VKORC1: variants seen among roughly 807,000 people sequenced by gnomAD.
The protein encoded by VKORC1 is phylloquinone epoxide reductase.
Under a neutral mutation model 14.8 loss-of-function variants are expected in VKORC1, and 12 were observed. The ratio of observed to expected loss-of-function variants is 0.81; its 90% confidence interval spans 0.52 to 1.31. The LOEUF (loss-of-function observed/expected upper bound fraction) is 1.31, where lower values mean the gene tolerates loss of function less well. Among genes scored for constraint, VKORC1 ranks in the 50% most tolerant of loss-of-function variants. The probability of loss-of-function intolerance (pLI) is 0.00; values close to 1 mark genes in which losing one functional copy is unlikely to be tolerated. For synonymous variants in VKORC1, 94 were observed against 92.5 expected (o/e 1.02, Z -0.09); for missense variants, 223 against 215.3 (o/e 1.04, Z -0.22).
At chr16:31,093,288 C>A (rs1365795181) in intron 2 of VKORC1, 24 bp downstream of exon 2, 1 of 1,436,918 alleles carries the variant, frequency 7.0e-7, no homozygotes, top group South Asian at 1.2e-5. Context: ...GCGGGGCGGG[C>A]AGGGAGGGGG....
intron 2 of VKORC1, chr16:31,092,869 A>G (rs1480743246): frequency 3.3e-6 from 3 of 914,028 alleles, no homozygotes; most frequent in East Asian, 1.3e-4. Flanking sequence ...CACCATCTCT[A>G]CCAAAAAAAA....
rs201545927 is a variant in VKORC1, at chr16:31,091,294, A to C, written c.332T>G (p.Leu111Arg). 2 of 1,614,042 alleles carry C rather than the reference A, an allele frequency of 1.2e-6. No homozygotes were observed. Among genetic ancestry groups the C allele is most frequent in the Non-Finnish European group, 1.7e-6 (2 of 1,180,044 alleles). ...WASVLMLLSS[L>R]VSLAGSVYLA... is the part of the protein sequence containing the mutation. Reference sequence around the variant, plus strand: ...GTAGACAGAACCAGCGAGAGACACCAGGGAGCTCAGCAGCATCAGGACAGA... The same window carrying C: ...GTAGACAGAACCAGCGAGAGACACCCGGGAGCTCAGCAGCATCAGGACAGA... Residue 111 changes from leucine to arginine, a missense_variant, in exon 3 of 3, where the codon CTG (leucine) becomes CGG (arginine). Physicochemically the swap from Leu to Arg is moderately radical, Grantham distance 102. Coordinates refer to ENST00000394975, the MANE Select transcript of VKORC1 (RefSeq NM_024006.6).
At chr16:31,093,644 C>A in intron 1 of VKORC1, 1 of 1,093,680 alleles carries the variant, frequency 9.1e-7, no homozygotes, top group Non-Finnish European at 1.3e-6. Flanking sequence ...CAGACCAGGC[C>A]CGGACGTGGC....
chr16:31,092,766 G>C (rs1421139809), intron 2 of VKORC1: 3 of 1,280,748 alleles, frequency 2.3e-6, no homozygotes, highest in East Asian at 1.1e-4. Context: ...GGGTGTTGGT[G>C]GGGCATGGTA....
intron 2 of VKORC1, chr16:31,092,857 G>C: frequency 1.0e-6 from 1 of 995,068 alleles, no homozygotes; most frequent in Non-Finnish European, 1.3e-6. Context: ...AACATGGCGA[G>C]ACACCATCTC....
At position 31,091,314 on chromosome 16, in the gene VKORC1, G is replaced by C. The variant is rs1245750538; in HGVS notation, c.312C>G (p.Val104=). Residue 104 remains valine (V), a synonymous_variant, in exon 3 of 3, where the codon GTC becomes GTG. Transcript: ENST00000394975. ...ACACCAGGGAGCTCAGCAGCATCAG[G>C]ACAGAGGCCCAGCGTGTCCGCAGGC... ...LGCLRTRWAS[V]LMLLSSLVSL... 5 of 1,613,970 alleles carry C rather than the reference G, an allele frequency of 3.1e-6. No homozygotes were observed. The highest frequency in any genetic ancestry group is 1.3e-5 in the African/African-American group (1 of 74,936).
chr16:31,091,091 C>T lies in VKORC1; in HGVS notation c.*43G>A. On this transcript the variant is annotated 3_prime_UTR_variant, in exon 3 of 3. Coordinates refer to ENST00000394975, the MANE Select transcript of VKORC1 (RefSeq NM_024006.6). ...TGCCCCCTTAGGCAAGGCTCACATG[C>T]CAAAGCAAAGCAGATGAGGTCAGCC... 1 of 1,609,514 alleles carries T rather than the reference C, an allele frequency of 6.2e-7. No individual in the cohort carries two copies.
In VKORC1 at chr16:31,093,406, G is replaced by A. The variant is rs1282308346; in HGVS notation, c.189C>T (p.Phe63=). 1.9e-6 allele frequency: 3 copies of A among 1,614,138 alleles called. No homozygotes were observed. Among genetic ancestry groups the A allele is most frequent in the Non-Finnish European group, 2.5e-6 (3 of 1,180,026 alleles). The change falls in exon 2 of 3, where the codon TTC becomes TTT. Residue 63 remains phenylalanine, a synonymous_variant. Transcript: ENST00000394975. ...GTCCCAGCACATGCTCCACCAGCCC[G>A]AAACCCCTGCCCCACCTGGCAGAGG... The part of the protein sequence containing the change: ...RVFSSRWGRG[F]GLVEHVLGQD...
chr16:31,094,092 C>A, intron 1 of VKORC1: 1 of 1,415,476 alleles, frequency 7.1e-7, no homozygotes, highest in Non-Finnish European at 9.5e-7. Flanking sequence ...ATTATCTTTG[C>A]CCTGGACCCC....
At position 31,092,136 on chromosome 16, in the gene VKORC1, C is replaced by A. The variant is rs566079749; in HGVS notation, c.284-794G>T. On this transcript the variant is annotated intron_variant, in intron 2 of 2. Transcript: ENST00000394975. ...GAGGTTGCAGTGAGCCAAGATCGTG[C>A]CACTGCACTCCAGCCTGGTGACAGA... Among the ~76,000 whole-genome samples, 144 of 144,676 alleles carry A rather than the reference C, an allele frequency of 1.0e-3. 2 individuals are homozygous for A. The highest frequency in any genetic ancestry group is 3.5e-3 in the African/African-American group (133 of 37,760). The allele number at this position is 144,676 out of a possible 152,430, so 94.9% of individuals were successfully genotyped here. A position where few individuals can be genotyped will look rare whatever the true frequency, so the allele number is the denominator to read the frequency against.
In VKORC1 at chr16:31,091,105, A is replaced by T. The variant is rs749165172; in HGVS notation, c.*29T>A. 5 of 1,611,864 alleles carry T rather than the reference A, an allele frequency of 3.1e-6. No individual in the cohort carries two copies. The South Asian group carries it at 5.5e-5, about 18-fold the overall frequency. ...AGGCTCACATGCCAAAGCAAAGCAG[A>T]TGAGGTCAGCCTGGCTTGGGTTGAG... On this transcript the variant is annotated 3_prime_UTR_variant, in exon 3 of 3. Transcript: ENST00000394975.
chr16:31,092,174 C>G (rs1403449182), intron 2 of VKORC1, among the ~76,000 whole-genome samples: 1 of 66,928 alleles, frequency 1.5e-5, no homozygotes, highest in Non-Finnish European at 2.6e-5. Flanking sequence ...GAGACTATGT[C>G]GCAAAAAAAA....
chr16:31,093,412 C>G lies in VKORC1; in HGVS notation c.183G>C (p.Arg61Ser), dbSNP rs1303260087. 1 of 1,614,046 alleles carries G rather than the reference C, an allele frequency of 6.2e-7. No homozygotes were observed. Among genetic ancestry groups the G allele is most frequent in the African/African-American group, 1.3e-5 (1 of 74,914 alleles). The change falls in exon 2 of 3, where the codon AGG becomes AGC. Residue 61 changes from arginine to serine, a missense_variant. Arg to Ser is a moderately radical substitution (Grantham distance 110). Coordinates refer to ENST00000394975, the MANE Select transcript of VKORC1 (RefSeq NM_024006.6). ...GCACATGCTCCACCAGCCCGAAACC[C>G]CTGCCCCACCTGGCAGAGGGGTGGG... ...CSRVFSSRWG[R>S]GFGLVEHVLG...
intron 2 of VKORC1, 45 bp downstream of exon 2, chr16:31,093,267 T>TGAGGG (rs771466943): frequency 6.2e-5 from 68 of 1,096,818 alleles, no homozygotes; most frequent in Non-Finnish European, 6.4e-5. Context: ...CCAAGGGGGA[T>TGAGGG]GAGGGGCGGG....
At chr16:31,093,935 T>C (rs1268842025) in intron 1 of VKORC1, 3 of 402,384 alleles carry the variant, frequency 7.5e-6, no homozygotes, top group Admixed American at 4.0e-5. Context: ...AACTCCTGAC[T>C]TCAAGTGATC....
chr16:31,093,825 G>GC (rs904148380), intron 1 of VKORC1: 23 of 259,166 alleles, frequency 8.9e-5, no homozygotes, highest in South Asian at 2.2e-4. Flanking sequence ...TCCTGCCTTA[G>GC]CCCCCCCGAG....
intron 2 of VKORC1, 58 bp downstream of exon 2, chr16:31,093,254 T>TGACCA: frequency 7.1e-7 from 1 of 1,405,800 alleles, no homozygotes; most frequent in Middle Eastern, 2.6e-4. Flanking sequence ...GGGGCTGAGC[T>TGACCA]GACCAAGGGG....
intron 1 of VKORC1, chr16:31,094,280 G>T: frequency 6.2e-7 from 1 of 1,612,770 alleles, no homozygotes; most frequent in East Asian, 2.2e-5. Flanking sequence ...CCGCCATCCT[G>T]CCTCCCCGCC....
At chr16:31,093,514 C>A in intron 1 of VKORC1, 93 bp from the exon 2 acceptor site, 1 of 1,586,674 alleles carries the variant, frequency 6.3e-7, no homozygotes, top group South Asian at 1.1e-5. Flanking sequence ...CAAGAAGCCA[C>A]CTGGGCTATC....
Sources: allele counts gnomAD v4.1 joint callset (sites outside exome capture counted in the v4.1 genomes callset), GRCh38; gene constraint gnomAD v4.1.1; transcripts MANE v1.5; gene names NCBI Gene and HGNC (gene_info 2026-07-23, HGNC 2026-07-21).